HIBCH: variants seen among roughly 807,000 people sequenced by gnomAD.
HIBCH encodes 3-hydroxyisobutyryl-CoA hydrolase.
Under a neutral mutation model 58.2 loss-of-function variants are expected in HIBCH, and 50 were observed. That is an observed-to-expected ratio of 0.86 (90% confidence interval 0.68 to 1.09). HIBCH has a LOEUF of 1.09. Ranked by LOEUF, HIBCH falls within the 50% of genes least tolerant of loss-of-function variation. The pLI is 0.00. For missense variants in HIBCH, 450 were observed against 449.7 expected, an observed-to-expected ratio of 1.00 and a Z score of -0.01; for synonymous variants, 151 against 146.9, an observed-to-expected ratio of 1.03 and a Z score of -0.20.
At position 190,217,584 on chromosome 2, in the gene HIBCH, T is replaced by A. The variant is rs534265259; in HGVS notation, c.892-4509A>T. ...CTATGAAAATCAAAGACCAATTTTTTAAAAATTATACACTGGGCATATCCT... is the reference window on the plus strand; with the variant it reads ...CTATGAAAATCAAAGACCAATTTTTAAAAAATTATACACTGGGCATATCCT... On this transcript the variant is annotated intron_variant, in intron 11 of 13. Transcript: ENST00000359678. The surrounding 1 kb of genome is among the most constrained non-coding windows in gnomAD (Gnocchi z 4.6). 2.6e-5 allele frequency among the ~76,000 whole-genome samples: 4 copies of A among 152,274 alleles called. No homozygotes were observed. The South Asian group carries it at 6.2e-4, about 24-fold the overall frequency.
rs755271504 is a variant in HIBCH, at chr2:190,287,604, A to T, written c.420T>A (p.His140Gln). 1 of 1,610,460 alleles carries T rather than the reference A, an allele frequency of 6.2e-7. No individual in the cohort carries two copies. The highest frequency in any genetic ancestry group is 1.1e-5 in the South Asian group (1 of 90,984). Residue 140 changes from histidine (H) to glutamine (Q), a missense_variant, in exon 6 of 14, where the codon CAT becomes CAA. Physicochemically the swap from His to Gln is conservative, Grantham distance 24. Transcript: ENST00000359678. ...TACTTACCCCACCCATTGTAATTCC[A>T]TGAATAAGTGCAACATAAGGTTTCT... ...SCQKPYVALI[H>Q]GITMGGGVGL...
rs1302711301 is a variant in HIBCH, at chr2:190,210,824, G to A, written c.1012-1911C>T. 2.0e-5 allele frequency among the ~76,000 whole-genome samples: 3 copies of A among 152,038 alleles called. No individual in the cohort carries two copies. Among genetic ancestry groups the A allele is most frequent in the African/African-American group, 7.3e-5 (3 of 41,374 alleles). ...TGCTCTTCCTCTAGATAATGGCATG[G>A]GCTCACTTCCTTACTTCTTTCAGGA... On this transcript the variant is annotated intron_variant, in intron 12 of 13. Coordinates refer to ENST00000359678, the MANE Select transcript of HIBCH (RefSeq NM_014362.4). The surrounding 1 kb of genome is among the most constrained non-coding windows in gnomAD (Gnocchi z 5.5).
At chr2:190,199,886 CT>C (rs1362594510), downstream of HIBCH, 2 of 1,613,846 alleles carry the variant, frequency 1.2e-6, no homozygotes, top group Non-Finnish European at 1.7e-6. Flanking sequence ...TCAAAGCAAA[CT>C]TTCCCATTTC....
Position 190,238,585 on chromosome 2 carries a change from C to T in HIBCH, c.891+6302G>A, listed in dbSNP as rs113272475. On this transcript the variant is annotated intron_variant, in intron 11 of 13. Coordinates refer to ENST00000359678, the MANE Select transcript of HIBCH (RefSeq NM_014362.4). ...GTTCAAGCGATTTTCCTGCCTCAGC[C>T]TCCACAGTAGCTGGGATTATATATG... 4.7e-3 allele frequency among the ~76,000 whole-genome samples: 714 copies of T among 152,306 alleles called. 6 individuals carry two copies. The highest frequency in any genetic ancestry group is 0.031 in the Middle Eastern group (9 of 294).
At chr2:190,278,748 A>AG in intron 6 of HIBCH, among the ~76,000 whole-genome samples, 1 of 151,402 alleles carries the variant, frequency 6.6e-6, no homozygotes, top group Non-Finnish European at 1.5e-5. Context: ...CAAAAAAAAA[A>AG]AAAAAAAAAA....
chr2:190,273,549 TA>T (rs1337915654), intron 6 of HIBCH, among the ~76,000 whole-genome samples: 1 of 152,148 alleles, frequency 6.6e-6, no homozygotes, highest in African/African-American at 2.4e-5. Context: ...GAAAGTTGAA[TA>T]ATCAATATAG....
At position 190,252,175 on chromosome 2, in the gene HIBCH, A is replaced by G. The variant is rs1686792588; in HGVS notation, c.650T>C (p.Val217Ala). 6.2e-7 allele frequency: 1 copy of G among 1,613,954 alleles called. No homozygotes were observed. The change falls in exon 8 of 14, where the codon GTA becomes GCA. Residue 217 changes from valine (V) to alanine (A), a missense_variant. By Grantham distance (64) the Val-to-Ala change is moderately conservative (BLOSUM62 0). Transcript: ENST00000359678. ...CTGAAAAAGTACCTTTTCAGAATCT[A>G]CAAAGTGTGTAGCAATTCCTGCTCT... ...VYRAGIATHF[V>A]DSEKLAMLEE...
At chr2:190,237,852 G>A (rs1287731985) in intron 11 of HIBCH, among the ~76,000 whole-genome samples, 1 of 151,476 alleles carries the variant, frequency 6.6e-6, no homozygotes, top group African/African-American at 2.4e-5. Flanking sequence ...CCCAGTGTGT[G>A]ATGTTCCCCT....
At chr2:190,290,606 A>C (rs1334879165) in intron 4 of HIBCH, 121 bp from the exon 5 acceptor site, 1 of 717,968 alleles carries the variant, frequency 1.4e-6, no homozygotes, top group Non-Finnish European at 2.4e-6. Context: ...TGACTTGTTA[A>C]AAGTTTTGAA....
In HIBCH at chr2:190,284,530, G is replaced by C. The variant is rs115060671; in HGVS notation, c.438+3056C>G. Among the ~76,000 whole-genome samples, 649 of 152,224 alleles carry C rather than the reference G, an allele frequency of 4.3e-3. 2 individuals are homozygous for C. Among genetic ancestry groups the C allele is most frequent in the African/African-American group, 0.015 (633 of 41,520 alleles). On this transcript the variant is annotated intron_variant, in intron 6 of 13. Coordinates refer to ENST00000359678, the MANE Select transcript of HIBCH (RefSeq NM_014362.4). ...CTGAAATATTCTCAGTAATATGTCA[G>C]CAATATATTTACCATTTCTGATAAT...
chr2:190,292,641 C>T (rs1350322046), intron 4 of HIBCH, among the ~76,000 whole-genome samples: 3 of 152,194 alleles, frequency 2.0e-5, no homozygotes, highest in Non-Finnish European at 2.9e-5. Flanking sequence ...AAAGATCTGA[C>T]ACCTACTTTT....
At chr2:190,232,713 C>T (rs1686141700) in intron 11 of HIBCH, among the ~76,000 whole-genome samples, 2 of 152,154 alleles carry the variant, frequency 1.3e-5, no homozygotes, top group African/African-American at 4.8e-5. Context: ...AATCCCAGCA[C>T]TTTGGGAGGC....
At chr2:190,222,929 T>C (rs1219645207) in intron 11 of HIBCH, among the ~76,000 whole-genome samples, 1 of 152,222 alleles carries the variant, frequency 6.6e-6, no homozygotes, top group African/African-American at 2.4e-5. Flanking sequence ...CACCATGGAA[T>C]ACTATGCAGC....
chr2:190,250,324 T>C, intron 8 of HIBCH: 4 of 460,152 alleles, frequency 8.7e-6, no homozygotes, highest in Admixed American at 2.4e-5. Context: ...AGGTAAGCTC[T>C]TCCTCCTTTC....
intron 7 of HIBCH, among the ~76,000 whole-genome samples, chr2:190,259,893 T>C (rs138557549): frequency 6.6e-6 from 1 of 152,332 alleles, no homozygotes; most frequent in East Asian, 1.9e-4. Flanking sequence ...TGAACAGAAA[T>C]GATGAGAGCA....
rs1427169383 is a variant in HIBCH, at chr2:190,238,469, TTTTG to T, written c.891+6414_891+6417del. On this transcript the variant is annotated intron_variant, in intron 11 of 13. Coordinates refer to ENST00000359678, the MANE Select transcript of HIBCH (RefSeq NM_014362.4). ...TATGTTTGTTGGCCGTGTAAATGTC[TTTTG>T]TTTGTTTTGAGATGGAGTCTTGCTC... 9.9e-5 allele frequency among the ~76,000 whole-genome samples: 15 copies of T among 152,276 alleles called. No individual in the cohort carries two copies. The East Asian group carries it at 1.9e-3, about 20-fold the overall frequency.
Position 190,211,056 on chromosome 2 carries a change from T to C in HIBCH, c.1011+1900A>G, listed in dbSNP as rs992626949. 6.6e-6 allele frequency among the ~76,000 whole-genome samples: 1 copy of C among 152,178 alleles called. No individual in the cohort carries two copies. Among genetic ancestry groups the C allele is most frequent in the African/African-American group, 2.4e-5 (1 of 41,440 alleles). On this transcript the variant is annotated intron_variant, in intron 12 of 13. Transcript: ENST00000359678. This position sits in a 1 kb window ranked among gnomAD's most constrained non-coding sequence, Gnocchi z 5.0. The stretch of plus-strand genomic sequence containing the variant: ...TGAGGGCAGGTGTTATCCTACTCCC[T>C]ACTCCCCAAGATAATGATTTAAACT...
rs1012353758 is a variant in HIBCH, at chr2:190,315,050, C to T, written c.36-4254G>A. Among the ~76,000 whole-genome samples, 12 of 151,944 alleles carry T rather than the reference C, an allele frequency of 7.9e-5. No individual in the cohort carries two copies. The highest frequency in any genetic ancestry group is 2.9e-4 in the African/African-American group (12 of 41,364). On this transcript the variant is annotated intron_variant, in intron 1 of 13. Coordinates refer to ENST00000359678, the MANE Select transcript of HIBCH (RefSeq NM_014362.4). The surrounding 1 kb of genome is among the most constrained non-coding windows in gnomAD (Gnocchi z 5.4). The stretch of plus-strand genomic sequence containing the variant: ...GCAGGCTCTGCCTTCCGGGTTCACG[C>T]CATTCTCCTGCCTCAGTCTCCTGAG...
chr2:190,287,168 T>G (rs1248455196), intron 6 of HIBCH, among the ~76,000 whole-genome samples: 1 of 152,056 alleles, frequency 6.6e-6, no homozygotes, highest in African/African-American at 2.4e-5. Flanking sequence ...TTCAAGCGAT[T>G]ATCATGCCTC....
Sources: gnomAD v4.1 joint callset for allele counts (sites outside exome capture counted in the v4.1 genomes callset) on GRCh38, gnomAD v4.1.1 for gene constraint, Gnocchi (gnomAD v3.1) non-coding constraint, MANE v1.5 for transcripts, NCBI Gene and HGNC (gene_info 2026-07-23, HGNC 2026-07-21) for gene names.